Variants in KIAA1328 observed in about 807,000 individuals in gnomAD.
The protein encoded by KIAA1328 is KIAA1328.
Under a neutral mutation model 68.1 loss-of-function variants are expected in KIAA1328, and 52 were observed. The observed-to-expected ratio is 0.76, with a 90% CI of 0.61 to 0.96. The LOEUF (loss-of-function observed/expected upper bound fraction) is 0.96. Among genes scored for constraint, KIAA1328 ranks in the 40% least tolerant of loss-of-function variants. The pLI is 0.00. For missense variants in KIAA1328, 641 were observed against 677.6 expected (o/e 0.95, Z 0.60); for synonymous variants, 232 against 239.4 (o/e 0.97, Z 0.28).
intron 6 of KIAA1328, among the ~76,000 whole-genome samples, chr18:36,975,248 T>C (rs975598108): frequency 4.7e-5 from 7 of 149,206 alleles, no homozygotes; most frequent in African/African-American, 1.7e-4. Flanking sequence ...AGTGGCGGGA[T>C]CTCGGCTCAC....
In KIAA1328 at chr18:36,980,905, G is replaced by T. The variant is rs1598883481; in HGVS notation, c.576+21470G>T. 2.0e-5 allele frequency among the ~76,000 whole-genome samples: 3 copies of T among 152,280 alleles called. No individual in the cohort carries two copies. In the South Asian group the frequency reaches 6.2e-4, roughly 32 times the overall value. ...CTTCTCCTTACCTTCTGCCATGATT[G>T]TGAGACCTCCCCAGCTAAGTGGAAC... On this transcript the variant is annotated intron_variant, in intron 6 of 9. Transcript: ENST00000280020.
chr18:36,895,111 A>C (rs1473136228), intron 5 of KIAA1328, among the ~76,000 whole-genome samples: 1 of 152,170 alleles, frequency 6.6e-6, no homozygotes, highest in Non-Finnish European at 1.5e-5. Context: ...ACATTTTTAA[A>C]AATAGTATTT....
At chr18:36,979,408 A>C (rs2052597558) in intron 6 of KIAA1328, among the ~76,000 whole-genome samples, 1 of 152,102 alleles carries the variant, frequency 6.6e-6, no homozygotes, top group Admixed American at 6.6e-5. Flanking sequence ...GTAATTTAAG[A>C]ATAAAGAAAC....
intron 6 of KIAA1328, among the ~76,000 whole-genome samples, chr18:36,995,178 A>G (rs1016080986): frequency 1.3e-5 from 2 of 151,994 alleles, no homozygotes; most frequent in East Asian, 1.9e-4. Flanking sequence ...ACATTGTTCA[A>G]TTCCCACTTA....
intron 4 of KIAA1328, among the ~76,000 whole-genome samples, chr18:36,852,863 ATTC>A (rs909529568): frequency 1.1e-4 from 17 of 152,056 alleles, no homozygotes; most frequent in South Asian, 2.1e-4. Flanking sequence ...ACACTTTCTT[ATTC>A]TTCTTCTGTC....
intron 7 of KIAA1328, among the ~76,000 whole-genome samples, chr18:37,157,672 T>C (rs2059181617): frequency 6.6e-6 from 1 of 151,754 alleles, no homozygotes; most frequent in Admixed American, 6.6e-5. Flanking sequence ...TAGCCGGACA[T>C]GGTGGTGTGT....
At chr18:36,986,041 A>T (rs529617079) in intron 6 of KIAA1328, among the ~76,000 whole-genome samples, 2 of 152,336 alleles carry the variant, frequency 1.3e-5, no homozygotes, top group South Asian at 2.1e-4. Flanking sequence ...CTACCCTGCA[A>T]AATATTTTAA....
rs115979498 is a variant in KIAA1328, at chr18:37,045,527, C to T, written c.577-21363C>T. On this transcript the variant is annotated intron_variant, in intron 6 of 9. Transcript: ENST00000280020. ...AAAAATTTTTTGTTCTGCAAGTTTCCGTCATCTCATAGACTGTTTCCTTAT... is the reference window on the plus strand; with the variant it reads ...AAAAATTTTTTGTTCTGCAAGTTTCTGTCATCTCATAGACTGTTTCCTTAT... 1.2e-3 allele frequency among the ~76,000 whole-genome samples: 175 copies of T among 151,556 alleles called. 3 individuals carry two copies. The highest frequency in any genetic ancestry group is 4.0e-3 in the African/African-American group (166 of 41,312).
At chr18:36,979,424 T>C (rs1312544671) in intron 6 of KIAA1328, among the ~76,000 whole-genome samples, 3 of 152,126 alleles carry the variant, frequency 2.0e-5, no homozygotes, top group African/African-American at 7.2e-5. Context: ...GAAACTTTTA[T>C]TCTTCAGGTA....
chr18:37,171,412 G>T (rs768567594), intron 8 of KIAA1328, among the ~76,000 whole-genome samples: 2 of 152,090 alleles, frequency 1.3e-5, no homozygotes, highest in Non-Finnish European at 2.9e-5. Flanking sequence ...ACAGGATCTT[G>T]CTATGTTGCC....
intron 6 of KIAA1328, among the ~76,000 whole-genome samples, chr18:37,042,107 A>G (rs1031346396): frequency 6.6e-6 from 1 of 152,118 alleles, no homozygotes; most frequent in African/African-American, 2.4e-5. Flanking sequence ...CGTGTTGCCC[A>G]GGCTGGTCTC....
intron 6 of KIAA1328, among the ~76,000 whole-genome samples, chr18:37,002,494 T>C (rs1031481081): frequency 6.6e-6 from 1 of 151,884 alleles, no homozygotes. Flanking sequence ...TTTGGGAATA[T>C]AGATGTGAGC....
chr18:37,193,511 G>A (rs973287401), intron 9 of KIAA1328: 4 of 666,678 alleles, frequency 6.0e-6, no homozygotes, highest in Non-Finnish European at 1.1e-5. Flanking sequence ...AACTTTTACA[G>A]TTTCAGAATT....
chr18:36,977,920 A>T (rs1408445539), intron 6 of KIAA1328, among the ~76,000 whole-genome samples: 1 of 151,978 alleles, frequency 6.6e-6, no homozygotes, highest in Admixed American at 6.6e-5. Context: ...AGTAGCTGGA[A>T]TTACAGGTGT....
chr18:37,144,502 AT>A (rs1306501203), intron 7 of KIAA1328, among the ~76,000 whole-genome samples: 2 of 151,812 alleles, frequency 1.3e-5, no homozygotes, highest in African/African-American at 4.8e-5. Flanking sequence ...CTCTTTTCTA[AT>A]ACCAGCACTG....
intron 9 of KIAA1328, among the ~76,000 whole-genome samples, chr18:37,178,371 A>G (rs541047599): frequency 1.3e-5 from 2 of 152,282 alleles, no homozygotes; most frequent in African/African-American, 4.8e-5. Flanking sequence ...ATTTCACTTG[A>G]CATAATATGC....
intron 5 of KIAA1328, among the ~76,000 whole-genome samples, chr18:36,958,177 A>G (rs1332513765): frequency 6.6e-6 from 1 of 152,178 alleles, no homozygotes; most frequent in African/African-American, 2.4e-5. Flanking sequence ...ATTTATAAAT[A>G]TTCCACATTT....
chr18:37,137,765 C>T (rs2058676538), intron 7 of KIAA1328, among the ~76,000 whole-genome samples: 1 of 152,182 alleles, frequency 6.6e-6, no homozygotes, highest in Non-Finnish European at 1.5e-5. Flanking sequence ...CAATAGACCT[C>T]TTTCTCTGTG....
chr18:36,889,396 G>T (rs989903925), intron 5 of KIAA1328, among the ~76,000 whole-genome samples: 1 of 152,194 alleles, frequency 6.6e-6, no homozygotes, highest in African/African-American at 2.4e-5. Flanking sequence ...TAATATTTAA[G>T]CTAATTGTAT....
Sources: allele counts gnomAD v4.1 joint callset (sites outside exome capture counted in the v4.1 genomes callset), GRCh38; gene constraint gnomAD v4.1.1; transcripts MANE v1.5; gene names NCBI Gene and HGNC (gene_info 2026-07-23, HGNC 2026-07-21).